Variants in DACH2 observed in about 807,000 individuals in gnomAD.
DACH2 encodes dachshund family transcription factor 2, also known as dachshund homolog 2.
In DACH2, 17 loss-of-function variants were observed where a neutral mutation model predicts 35.8. That is an observed-to-expected ratio of 0.48 (90% CI 0.33 to 0.71). The LOEUF (loss-of-function observed/expected upper bound fraction) is 0.71, where lower values mean the gene tolerates loss of function less well. DACH2 is among the 30% of genes least tolerant of loss of function. The pLI is 0.02. For missense variants in DACH2, 469 were observed against 472.7 expected, an observed-to-expected ratio of 0.99 and a Z score of 0.07; for synonymous variants, 195 against 177.3, an observed-to-expected ratio of 1.10 and a Z score of -0.79.
intron 3 of DACH2, among the ~76,000 whole-genome samples, chrX:86,536,976 T>C (rs920381151): frequency 8.9e-6 from 1 of 111,761 alleles, no homozygotes; most frequent in African/African-American, 3.3e-5. Flanking sequence ...CCCACAGTTC[T>C]GCTGGGCATT....
intron 1 of DACH2, among the ~76,000 whole-genome samples, chrX:86,254,807 T>TATATATATAGAGAGAGAGAGAGAGAGAG (rs1380613474): frequency 2.0e-5 from 1 of 49,660 alleles, no homozygotes; most frequent in African/African-American, 1.2e-4. Context: ...TATATATATA[T>TATATATATAGAGAGAGAGAGAGAGAGAG]AGAGAGAGAG....
At chrX:86,161,956 A>G (rs958610799) in intron 1 of DACH2, among the ~76,000 whole-genome samples, 1 of 112,250 alleles carries the variant, frequency 8.9e-6, no homozygotes, top group Non-Finnish European at 1.9e-5. Context: ...TCAAGAAAGT[A>G]AAGGAATAAA....
chrX:86,782,016 CA>C (rs776049719), intron 7 of DACH2, among the ~76,000 whole-genome samples: 1 of 111,920 alleles, frequency 8.9e-6, no homozygotes, highest in Non-Finnish European at 1.9e-5. Context: ...AAACAAAAAG[CA>C]GTAGCGTTTC....
chrX:86,265,801 G>A (rs965779277), intron 1 of DACH2, among the ~76,000 whole-genome samples: 1 of 111,520 alleles, frequency 9.0e-6, no homozygotes, highest in African/African-American at 3.3e-5. Flanking sequence ...TGATTAGAAT[G>A]GACACGTGCC....
In DACH2 at chrX:86,337,316, G is replaced by T. The variant is rs1182752876; in HGVS notation, c.489-39508G>T. ...TGAAATGAAGGATAAAATGTTAAGA[G>T]CAGCCAGTGAGAAAGGTTGGGTTAC... On this transcript the variant is annotated intron_variant, in intron 1 of 11. Transcript: ENST00000373125. Among the ~76,000 whole-genome samples, 3 of 112,071 alleles carry T rather than the reference G, an allele frequency of 2.7e-5. No homozygotes were observed. The Admixed American group carries it at 2.8e-4, about 11-fold the overall frequency.
chrX:86,190,605 C>G (rs1480904819), intron 1 of DACH2, among the ~76,000 whole-genome samples: 2 of 112,094 alleles, frequency 1.8e-5, no homozygotes, highest in South Asian at 3.6e-4. Context: ...AAATGCAAAT[C>G]AAAATCTCAA....
At chrX:86,429,216 G>GA (rs761251246) in intron 2 of DACH2, among the ~76,000 whole-genome samples, 147 of 104,943 alleles carry the variant, frequency 1.4e-3, no homozygotes, top group African/African-American at 4.1e-3. Flanking sequence ...TCTTTTCTGA[G>GA]AAAAAAAAAA....
chrX:86,665,470 G>A (rs1351673320), intron 4 of DACH2, among the ~76,000 whole-genome samples: 1 of 111,506 alleles, frequency 9.0e-6, no homozygotes, highest in African/African-American at 3.3e-5. Flanking sequence ...TTTCAGTCTA[G>A]TGAGCCTAAT....
At chrX:86,639,407 A>G (rs978886058) in intron 3 of DACH2, among the ~76,000 whole-genome samples, 1 of 111,507 alleles carries the variant, frequency 9.0e-6, no homozygotes, top group African/African-American at 3.3e-5. Context: ...ACAGAGCTAC[A>G]TGGAGCTCTG....
At chrX:86,495,616 C>A (rs964475359) in intron 2 of DACH2, among the ~76,000 whole-genome samples, 1 of 109,598 alleles carries the variant, frequency 9.1e-6, no homozygotes, top group African/African-American at 3.3e-5. Context: ...TCAAGACCAG[C>A]CTGGGCAACA....
At chrX:86,630,777 G>A (rs753390361) in intron 3 of DACH2, among the ~76,000 whole-genome samples, 2 of 109,265 alleles carry the variant, frequency 1.8e-5, no homozygotes, top group Non-Finnish European at 3.8e-5. Flanking sequence ...TGCAACTTCC[G>A]CCTCCTGGGT....
chrX:86,475,104 G>C (rs543785582), intron 2 of DACH2, among the ~76,000 whole-genome samples: 2 of 111,461 alleles, frequency 1.8e-5, no homozygotes, highest in South Asian at 7.5e-4. Flanking sequence ...TTTGAAGTCA[G>C]GTAATGTAAT....
intron 2 of DACH2, among the ~76,000 whole-genome samples, chrX:86,395,303 T>C (rs1230042737): frequency 8.9e-6 from 1 of 111,845 alleles, no homozygotes; most frequent in East Asian, 2.8e-4. Context: ...TTGTACATAA[T>C]TAATGAAGTT....
intron 2 of DACH2, among the ~76,000 whole-genome samples, chrX:86,428,957 T>C (rs1349965275): frequency 9.0e-6 from 1 of 111,058 alleles, no homozygotes; most frequent in African/African-American, 3.3e-5. Context: ...ACGATTTAAT[T>C]CTCTCTTTTT....
At position 86,446,971 on chromosome X, in the gene DACH2, T is replaced by C; in HGVS notation, c.528-67308T>C. On this transcript the variant is annotated intron_variant, in intron 2 of 11. Transcript: ENST00000373125. ...TCCAGCACCTGTTGTTTCCTGACTT[T>C]TTAATGATTGCCATTCTAACTGGTG... is the stretch of plus-strand genomic sequence containing the variant. Among the ~76,000 whole-genome samples the C allele has an allele frequency of 2.6e-5, 2 of 77,055 alleles. 1 individual carries two copies. 66.9% of individuals were successfully genotyped at this position (77,055 alleles called of 115,157 possible). A position where few individuals can be genotyped will look rare whatever the true frequency, so the allele number is the denominator to read the frequency against.
chrX:86,740,239 A>G (rs1300210214), intron 7 of DACH2, among the ~76,000 whole-genome samples: 1 of 111,358 alleles, frequency 9.0e-6, no homozygotes, highest in East Asian at 2.8e-4. Flanking sequence ...GCAGTTGCCC[A>G]TTTAAGAGTG....
chrX:86,436,381 TATAG>T lies in DACH2; in HGVS notation c.527+59521_527+59524del, dbSNP rs1296621011. Among the ~76,000 whole-genome samples the T allele has an allele frequency of 4.7e-4, 33 of 69,675 alleles. No homozygotes were observed. The East Asian group carries it at 7.8e-3, about 17-fold the overall frequency. The allele number at this position is 69,675 out of a possible 115,157, so 60.5% of individuals were successfully genotyped here. A position where few individuals can be genotyped will look rare whatever the true frequency, so the allele number is the denominator to read the frequency against. On this transcript the variant is annotated intron_variant, in intron 2 of 11. Coordinates refer to ENST00000373125, the MANE Select transcript of DACH2 (RefSeq NM_053281.3). ...GGTGATATATGTATATATATATATA[TATAG>T]AGAGAGAGAGAGTAATACATCAAAC...
At chrX:86,666,312 T>TGAGA (rs1556363112) in intron 4 of DACH2, among the ~76,000 whole-genome samples, 36,043 of 99,599 alleles carry the variant, frequency 0.36, 5,307 homozygotes, top group Middle Eastern at 0.52. Context: ...TGTGTGTGTG[T>TGAGA]GAGAGAGAGA....
intron 5 of DACH2, among the ~76,000 whole-genome samples, chrX:86,710,933 A>G (rs940105853): frequency 8.9e-6 from 1 of 112,019 alleles, no homozygotes; most frequent in African/African-American, 3.2e-5. Flanking sequence ...ACAAAATATT[A>G]CAGAAGTCAA....
Sources: allele counts gnomAD v4.1 joint callset (sites outside exome capture counted in the v4.1 genomes callset), GRCh38; gene constraint gnomAD v4.1.1; transcripts MANE v1.5; gene names NCBI Gene and HGNC (gene_info 2026-07-23, HGNC 2026-07-21).